The following VAV3 variants were observed in gnomAD, a reference collection of about 807,000 sequenced individuals.
VAV3 encodes vav guanine nucleotide exchange factor 3.
Under a neutral mutation model 131.2 loss-of-function variants are expected in VAV3, and 94 were observed. That is an observed-to-expected ratio of 0.72 (90% CI 0.61 to 0.85). The LOEUF is 0.85. Ranked by LOEUF, VAV3 falls within the 40% of genes least tolerant of loss-of-function variation. The pLI, the probability that VAV3 is intolerant of heterozygous loss-of-function variation, is 0.00. For synonymous variants in VAV3, 349 were observed against 342.0 expected (o/e 1.02, Z -0.22); for missense variants, 939 against 1,002.7 (o/e 0.94, Z 0.86).
Position 107,780,812 on chromosome 1 carries a change from G to A in VAV3, c.322-1320C>T, listed in dbSNP as rs1447560981. Among the ~76,000 whole-genome samples, 6 of 152,160 alleles carry A rather than the reference G, an allele frequency of 3.9e-5. No individual in the cohort carries two copies. The South Asian group carries it at 6.2e-4, about 16-fold the overall frequency. On this transcript the variant is annotated intron_variant, in intron 2 of 26. Coordinates refer to ENST00000370056, the MANE Select transcript of VAV3 (RefSeq NM_006113.5). ...ATTACAGGTGTGAACCACTGTGCCC[G>A]GCCATAAAGTTTATTTTTATGATAA...
At chr1:107,926,077 T>A (rs894278932) in intron 1 of VAV3, among the ~76,000 whole-genome samples, 1 of 151,668 alleles carries the variant, frequency 6.6e-6, no homozygotes, top group Non-Finnish European at 1.5e-5. Flanking sequence ...GTCAGGAGTT[T>A]AAGACCAGCC....
intron 21 of VAV3, among the ~76,000 whole-genome samples, chr1:107,611,154 G>A (rs1370177047): frequency 6.6e-6 from 1 of 152,170 alleles, no homozygotes; most frequent in East Asian, 1.9e-4. Context: ...AAAATCGTAT[G>A]TGCTCCAATG....
intron 20 of VAV3, among the ~76,000 whole-genome samples, chr1:107,632,708 G>T (rs1654595465): frequency 6.6e-6 from 1 of 152,200 alleles, no homozygotes; most frequent in Admixed American, 6.5e-5. Flanking sequence ...ACCAATGATA[G>T]GAACTGATAA....
At chr1:107,761,226 G>A (rs903803297) in intron 9 of VAV3, among the ~76,000 whole-genome samples, 5 of 151,562 alleles carry the variant, frequency 3.3e-5, no homozygotes, top group East Asian at 1.9e-4. Context: ...CATCTCTACT[G>A]AAAATACAAA....
chr1:107,675,124 C>T (rs1360960018), intron 19 of VAV3, among the ~76,000 whole-genome samples: 1 of 152,162 alleles, frequency 6.6e-6, no homozygotes, highest in East Asian at 1.9e-4. Flanking sequence ...CCAACTAAGC[C>T]ATGCCTAGAT....
rs984429915 is a variant in VAV3, at chr1:107,751,437, T to C, written c.1174-235A>G. ...TCAATTGATTTTAATTAGTATATAT[T>C]CTTAAAGGGGAAATTAGCTATGAAA... On this transcript the variant is annotated intron_variant, in intron 12 of 26. Transcript: ENST00000370056. Among the ~76,000 whole-genome samples, 18 of 152,176 alleles carry C rather than the reference T, an allele frequency of 1.2e-4. 1 individual carries two copies. The highest frequency in any genetic ancestry group is 1.3e-4 in the Non-Finnish European group (9 of 68,038).
intron 1 of VAV3, among the ~76,000 whole-genome samples, chr1:107,924,507 C>T (rs868029242): frequency 6.6e-6 from 1 of 151,936 alleles, no homozygotes; most frequent in Non-Finnish European, 1.5e-5. Context: ...GGAAATATTA[C>T]CTCCTGGTTA....
chr1:107,696,606 T>C (rs1314030635), intron 17 of VAV3, among the ~76,000 whole-genome samples: 4 of 152,212 alleles, frequency 2.6e-5, no homozygotes. Context: ...TTAAACATTA[T>C]TGCTATAAAG....
intron 1 of VAV3, among the ~76,000 whole-genome samples, chr1:107,938,741 T>C (rs186537187): frequency 4.5e-4 from 68 of 152,336 alleles, no homozygotes; most frequent in Middle Eastern, 6.8e-3. Flanking sequence ...AGGCTCCTAA[T>C]GTACTGGGCA....
At chr1:107,715,459 T>C (rs568400017) in intron 15 of VAV3, among the ~76,000 whole-genome samples, 59 of 152,318 alleles carry the variant, frequency 3.9e-4, no homozygotes, top group African/African-American at 1.3e-3. Context: ...ATAATGCTTT[T>C]CTTGTATTAA....
At chr1:107,703,027 TCTAAA>T (rs1354342300) in intron 17 of VAV3, among the ~76,000 whole-genome samples, 1 of 152,158 alleles carries the variant, frequency 6.6e-6, no homozygotes, top group Non-Finnish European at 1.5e-5. Flanking sequence ...TCTGCTTGAC[TCTAAA>T]CTATTCTCCT....
chr1:107,574,722 T>G (rs542027754), intron 25 of VAV3, among the ~76,000 whole-genome samples: 4 of 152,330 alleles, frequency 2.6e-5, no homozygotes, highest in Admixed American at 2.0e-4. Flanking sequence ...TAAGTGGCAC[T>G]TTCTTCCCTA....
intron 20 of VAV3, among the ~76,000 whole-genome samples, chr1:107,634,342 G>A (rs1654740385): frequency 6.6e-6 from 1 of 152,056 alleles, no homozygotes; most frequent in Admixed American, 6.6e-5. Context: ...TCTGATCTTT[G>A]ACAAACCTGA....
chr1:107,953,501 G>T (rs900454358), intron 1 of VAV3, among the ~76,000 whole-genome samples: 8 of 152,286 alleles, frequency 5.3e-5, no homozygotes, highest in African/African-American at 1.9e-4. Flanking sequence ...CCTGATCCCT[G>T]ATCATGAAAC....
intron 23 of VAV3, 49 bp downstream of exon 23, chr1:107,602,998 A>G: frequency 6.7e-7 from 1 of 1,486,870 alleles, no homozygotes; most frequent in Non-Finnish European, 9.4e-7. Context: ...GGTCTATGCA[A>G]TTATGAAAAC....
chr1:107,583,034 G>A (rs941289365), intron 25 of VAV3, among the ~76,000 whole-genome samples: 29 of 152,256 alleles, frequency 1.9e-4, no homozygotes, highest in East Asian at 7.7e-4. Flanking sequence ...CACCAACAGC[G>A]TAAAAGTGTT....
intron 6 of VAV3, among the ~76,000 whole-genome samples, chr1:107,769,894 C>T (rs147092489): frequency 3.8e-4 from 58 of 152,314 alleles, no homozygotes; most frequent in African/African-American, 1.3e-3. Flanking sequence ...CCTATACCAC[C>T]ATTTTTGTCA....
intron 20 of VAV3, among the ~76,000 whole-genome samples, chr1:107,622,121 A>C (rs980745025): frequency 2.0e-5 from 3 of 152,192 alleles, no homozygotes; most frequent in African/African-American, 7.2e-5. Context: ...TTTCCTGTAG[A>C]AAATGTATCA....
intron 9 of VAV3, among the ~76,000 whole-genome samples, chr1:107,762,668 A>C (rs1664506925): frequency 6.6e-6 from 1 of 152,200 alleles, no homozygotes; most frequent in African/African-American, 2.4e-5. Context: ...CAGAAATATT[A>C]TATATTTAAA....
Sources: gnomAD v4.1 joint callset for allele counts (sites outside exome capture counted in the v4.1 genomes callset) on GRCh38, gnomAD v4.1.1 for gene constraint, MANE v1.5 for transcripts, NCBI Gene and HGNC (gene_info 2026-07-23, HGNC 2026-07-21) for gene names.